RUSF1: variants seen among roughly 807,000 people sequenced by gnomAD.
The protein encoded by RUSF1 is RUS family member 1, also known as RUS1 family protein C16orf58.
Under a neutral mutation model 63.0 loss-of-function variants are expected in RUSF1, and 58 were observed. That is an observed-to-expected ratio of 0.92 (90% CI 0.75 to 1.15). The LOEUF (loss-of-function observed/expected upper bound fraction) is 1.15. Among genes scored for constraint, RUSF1 ranks in the 50% most tolerant of loss-of-function variants. The pLI, the probability that RUSF1 is intolerant of heterozygous loss-of-function variation, is 0.00. For missense variants in RUSF1, 652 were observed against 611.0 expected, an observed-to-expected ratio of 1.07 and a Z score of -0.71; for synonymous variants, 274 against 255.8, an observed-to-expected ratio of 1.07 and a Z score of -0.68.
intron 6 of RUSF1, among the ~76,000 whole-genome samples, chr16:31,495,707 A>T (rs1469421123): frequency 5.3e-5 from 8 of 151,984 alleles, no homozygotes; most frequent in Admixed American, 5.2e-4. Flanking sequence ...CAATGGGTGG[A>T]ATAAGCCCGA....
chr16:31,506,281 A>G (rs1294874245), intron 2 of RUSF1, among the ~76,000 whole-genome samples: 1 of 152,236 alleles, frequency 6.6e-6, no homozygotes, highest in Non-Finnish European at 1.5e-5. Flanking sequence ...AACATAAACG[A>G]ATTTCATGTT....
At position 31,508,324 on chromosome 16, in the gene RUSF1, C is replaced by A. The variant is rs1410926945; in HGVS notation, c.50G>T (p.Gly17Val). The A allele has an allele frequency of 6.3e-7, 1 of 1,576,868 alleles. No individual in the cohort carries two copies. The part of the protein sequence containing the change: ...LETPLCSEQF[G>V]SGEARGCRAA... ...GCGGCAGCCCCGTGCCTCCCCGGAGCCGAACTGCTCGGAACACAGCGGGGT... is the reference window on the plus strand; with the variant it reads ...GCGGCAGCCCCGTGCCTCCCCGGAGACGAACTGCTCGGAACACAGCGGGGT... The change falls in exon 1 of 13, where the codon GGC (glycine) becomes GTC (valine). Residue 17 changes from glycine (G) to valine (V), a missense_variant. Coordinates refer to ENST00000327237, the MANE Select transcript of RUSF1 (RefSeq NM_022744.4).
At chr16:31,499,463 C>T (rs764224466) in intron 4 of RUSF1, 30 bp downstream of exon 4, 1 of 1,610,724 alleles carries the variant, frequency 6.2e-7, no homozygotes, top group Non-Finnish European at 8.5e-7. Flanking sequence ...TAATGGAAGA[C>T]TCCCCTCCCC....
At position 31,493,526 on chromosome 16, in the gene RUSF1, T is replaced by C; in HGVS notation, c.959-2A>G. ...ATAGAGACGGAGCTGGCCAGAAACC[T>C]GTGGGAAGCTGGGGTCAGGATGCCT... On this transcript the variant is annotated splice_acceptor_variant, in intron 8 of 12. Coordinates refer to ENST00000327237, the MANE Select transcript of RUSF1 (RefSeq NM_022744.4). LOFTEE classifies it high-confidence loss of function. 2 of 1,613,814 alleles carry C rather than the reference T, an allele frequency of 1.2e-6. No individual in the cohort carries two copies. The highest frequency in any genetic ancestry group is 1.7e-6 in the Non-Finnish European group (2 of 1,179,922).
At chr16:31,504,630 G>A (rs2082649036) in intron 2 of RUSF1, among the ~76,000 whole-genome samples, 1 of 152,190 alleles carries the variant, frequency 6.6e-6, no homozygotes, top group South Asian at 2.1e-4. Flanking sequence ...AAAACCTGCA[G>A]CTTTTGGGAG....
Position 31,508,164 on chromosome 16 carries a change from G to A in RUSF1, c.210C>T (p.Leu70=), listed in dbSNP as rs759147594. Residue 70 remains leucine (L), a synonymous_variant, in exon 1 of 13, where the codon CTC becomes CTT. Transcript: ENST00000327237. ...VGASGAPSPP[L]SGLQAVFLPQ... ...GCAGGAACACGGCCTGGAGCCCGGA[G>A]AGGGGCGGTGAGGGGGCCCCGGAAG... 12 of 1,577,490 alleles carry A rather than the reference G, an allele frequency of 7.6e-6. No homozygotes were observed. The highest frequency in any genetic ancestry group is 9.5e-6 in the Non-Finnish European group (11 of 1,162,904).
At chr16:31,507,964 G>A (rs1305963350) in intron 1 of RUSF1, 86 bp from the exon 2 acceptor site, 57 of 1,530,960 alleles carry the variant, frequency 3.7e-5, no homozygotes, top group Non-Finnish European at 4.9e-5. Flanking sequence ...CTTGGTGTAT[G>A]AGGCATGTCA....
intron 2 of RUSF1, among the ~76,000 whole-genome samples, chr16:31,504,272 G>A (rs1020278920): frequency 7.9e-5 from 12 of 151,304 alleles, no homozygotes; most frequent in Admixed American, 4.0e-4. Context: ...AAGGTTTAGC[G>A]TTCCTTTTTT....
intron 2 of RUSF1, among the ~76,000 whole-genome samples, chr16:31,503,396 T>G (rs1243700214): frequency 6.6e-6 from 1 of 152,214 alleles, no homozygotes; most frequent in African/African-American, 2.4e-5. Context: ...ATATGGCTGC[T>G]GCAGAGATCA....
In RUSF1 at chr16:31,490,359, T is replaced by C. The variant is rs1207635046; in HGVS notation, c.*476A>G. 1.2e-6 allele frequency: 2 copies of C among 1,613,030 alleles called. No individual in the cohort carries two copies. The highest frequency in any genetic ancestry group is 1.7e-6 in the Non-Finnish European group (2 of 1,179,672). On this transcript the variant is annotated 3_prime_UTR_variant, in exon 13 of 13. Transcript: ENST00000327237. ...CTTCCGCCAGTGCCTGCTCTGGTTT[T>C]GTGGAATGAGCAGAGGTGGGGTGGG...
Position 31,489,590 on chromosome 16 carries a change from G to A in RUSF1, c.*1245C>T, listed in dbSNP as rs1288331412. On this transcript the variant is annotated 3_prime_UTR_variant, in exon 13 of 13. Coordinates refer to ENST00000327237, the MANE Select transcript of RUSF1 (RefSeq NM_022744.4). ...AAGCCAATCCTTGGCATGGCCTTTGGGACTCAAAACACAGGATCTGACTGG... is the reference window on the plus strand; with the variant it reads ...AAGCCAATCCTTGGCATGGCCTTTGAGACTCAAAACACAGGATCTGACTGG... 5 of 585,966 alleles carry A rather than the reference G, an allele frequency of 8.5e-6. No homozygotes were observed. The highest frequency in any genetic ancestry group is 1.5e-5 in the Non-Finnish European group (5 of 327,692). The allele number at this position is 585,966 out of a possible 1,614,324, so 36.3% of individuals were successfully genotyped here. A position where few individuals can be genotyped will look rare whatever the true frequency, so the allele number is the denominator to read the frequency against.
chr16:31,491,986 A>T, intron 12 of RUSF1, 23 bp downstream of exon 12: 2 of 1,613,346 alleles, frequency 1.2e-6, no homozygotes, highest in Non-Finnish European at 1.7e-6. Context: ...GGGGCCAAGC[A>T]GCCATGGGCT....
intron 2 of RUSF1, among the ~76,000 whole-genome samples, chr16:31,504,208 T>C (rs1174098731): frequency 6.6e-6 from 1 of 152,186 alleles, no homozygotes; most frequent in Non-Finnish European, 1.5e-5. Flanking sequence ...CCTTTCTTTT[T>C]TTTTTTCATA....
At chr16:31,500,447 C>A (rs1363115418) in intron 3 of RUSF1, among the ~76,000 whole-genome samples, 1 of 152,206 alleles carries the variant, frequency 6.6e-6, no homozygotes, top group Non-Finnish European at 1.5e-5. Flanking sequence ...CCAATCCCAT[C>A]CTACAGAGTT....
chr16:31,493,624 G>A lies in RUSF1; in HGVS notation c.937C>T (p.Arg313Cys), dbSNP rs560262294. The part of the protein sequence containing the change: ...GEVLDPTAAN[R>C]MEPLWTGFWP... Reference sequence around the variant, plus strand: ...TCACCTGTCCACAGCGGCTCCATGCGATTGGCTGCAGTTGGGTCGAGTACC... The same window carrying A: ...TCACCTGTCCACAGCGGCTCCATGCAATTGGCTGCAGTTGGGTCGAGTACC... The change falls in exon 8 of 13, where the codon CGC (arginine) becomes TGC (cysteine). Residue 313 changes from arginine to cysteine, a missense_variant. Arg to Cys is a radical substitution (Grantham distance 180). Transcript: ENST00000327237. The A allele has an allele frequency of 1.1e-5, 18 of 1,614,238 alleles. No homozygotes were observed. Among genetic ancestry groups the A allele is most frequent in the East Asian group, 2.2e-5 (1 of 44,884 alleles).
At chr16:31,500,811 G>C in intron 2 of RUSF1, 80 bp from the exon 3 acceptor site, 1 of 1,446,680 alleles carries the variant, frequency 6.9e-7, no homozygotes, top group Non-Finnish European at 9.4e-7. Context: ...GCACTGAACT[G>C]GCCAATTCAC....
At chr16:31,498,740 G>T (rs191997641) in intron 5 of RUSF1, among the ~76,000 whole-genome samples, 1 of 152,104 alleles carries the variant, frequency 6.6e-6, no homozygotes, top group Non-Finnish European at 1.5e-5. Context: ...ACCTTAAGCT[G>T]TGCTGTTTCT....
At chr16:31,508,011 C>G in intron 1 of RUSF1, 63 bp downstream of exon 1, 4 of 1,549,818 alleles carry the variant, frequency 2.6e-6, no homozygotes, top group Non-Finnish European at 3.5e-6. Flanking sequence ...CTCAGTCACC[C>G]GTCCATTATT....
chr16:31,491,460 G>A (rs1454212286), intron 12 of RUSF1, among the ~76,000 whole-genome samples: 5 of 150,624 alleles, frequency 3.3e-5, no homozygotes, highest in South Asian at 2.1e-4. Flanking sequence ...TCCCACAGGC[G>A]TGCATCACCA....
Sources: gnomAD v4.1 joint callset for allele counts (sites outside exome capture counted in the v4.1 genomes callset) on GRCh38, gnomAD v4.1.1 for gene constraint, MANE v1.5 for transcripts, NCBI Gene and HGNC (gene_info 2026-07-23, HGNC 2026-07-21) for gene names.